The following SEMA5A variants were observed in gnomAD, a reference collection of about 807,000 sequenced individuals.
The protein encoded by SEMA5A is semaphorin-5A.
Under a neutral mutation model 135.5 loss-of-function variants are expected in SEMA5A, and 55 were observed. That is an observed-to-expected ratio of 0.41 (90% CI 0.33 to 0.51). SEMA5A has a LOEUF of 0.51. SEMA5A is among the 20% of genes least tolerant of loss of function. The pLI is 0.37. For missense variants in SEMA5A, 1,290 were observed against 1,419.9 expected, an observed-to-expected ratio of 0.91 and a Z score of 1.47; for synonymous variants, 580 against 546.5, an observed-to-expected ratio of 1.06 and a Z score of -0.85.
In SEMA5A at chr5:9,496,681, T is replaced by A. The variant is rs531054037; in HGVS notation, c.-175+48903A>T. On this transcript the variant is annotated intron_variant, in intron 1 of 22. Coordinates refer to ENST00000382496, the MANE Select transcript of SEMA5A (RefSeq NM_003966.3). ...AGTTGTTGGAACTTAAGGTATAAAC[T>A]CTGTCTGCTCGGTCACCAGCCTGCC... 1.1e-4 allele frequency among the ~76,000 whole-genome samples: 16 copies of A among 152,294 alleles called. No homozygotes were observed. In the South Asian group the frequency reaches 3.3e-3, roughly 32 times the overall value.
chr5:9,387,309 A>G (rs368045614), intron 2 of SEMA5A, among the ~76,000 whole-genome samples: 6 of 151,974 alleles, frequency 3.9e-5, no homozygotes, highest in Admixed American at 3.3e-4. Context: ...TCTGTATTAA[A>G]CCAGCCATAA....
intron 1 of SEMA5A, among the ~76,000 whole-genome samples, chr5:9,457,210 C>T (rs978007386): frequency 4.6e-5 from 7 of 152,200 alleles, no homozygotes; most frequent in South Asian, 4.1e-4. Context: ...AAAGAGGAAA[C>T]GTGGTAAACC....
intron 11 of SEMA5A, among the ~76,000 whole-genome samples, chr5:9,157,067 A>G (rs1220263410): frequency 6.6e-6 from 1 of 152,252 alleles, no homozygotes; most frequent in Non-Finnish European, 1.5e-5. Context: ...GTGGGCTTGC[A>G]TGCTGGTCCA....
At chr5:9,104,192 C>T (rs529741459) in intron 16 of SEMA5A, among the ~76,000 whole-genome samples, 2 of 152,252 alleles carry the variant, frequency 1.3e-5, no homozygotes, top group African/African-American at 4.8e-5. Flanking sequence ...TAATCTTTCT[C>T]AGGCTGATTT....
At chr5:9,056,933 A>G (rs1451026688) in intron 18 of SEMA5A, among the ~76,000 whole-genome samples, 2 of 152,236 alleles carry the variant, frequency 1.3e-5, no homozygotes, top group African/African-American at 2.4e-5. Flanking sequence ...ACAATGAAAT[A>G]CTATTCAACC....
chr5:9,468,670 T>C (rs978734545), intron 1 of SEMA5A, among the ~76,000 whole-genome samples: 2 of 152,056 alleles, frequency 1.3e-5, no homozygotes, highest in Non-Finnish European at 2.9e-5. Flanking sequence ...AAAAATCTGA[T>C]TTAAATGGCT....
chr5:9,540,311 C>T (rs914529152), intron 1 of SEMA5A, among the ~76,000 whole-genome samples: 3 of 151,970 alleles, frequency 2.0e-5, no homozygotes, highest in Non-Finnish European at 2.9e-5. Flanking sequence ...GAGAGAAGGC[C>T]GGGCGCGGTG....
At chr5:9,203,682 A>G (rs951177687) in intron 8 of SEMA5A, among the ~76,000 whole-genome samples, 1 of 152,226 alleles carries the variant, frequency 6.6e-6, no homozygotes, top group Non-Finnish European at 1.5e-5. Flanking sequence ...TAAATGGTTT[A>G]TGTATGATAC....
chr5:9,091,562 A>G (rs921120285), intron 16 of SEMA5A, among the ~76,000 whole-genome samples: 1 of 152,230 alleles, frequency 6.6e-6, no homozygotes, highest in Non-Finnish European at 1.5e-5. Flanking sequence ...AAAATTCAGC[A>G]TAAATCACAA....
chr5:9,136,484 T>C lies in SEMA5A; in HGVS notation c.1599+20A>G, dbSNP rs747256797. ...TCCCATGGGCAGCATTTTCAGAGGA[T>C]GGAGAAGGTGGGCACTCACCGGACA... is the stretch of plus-strand genomic sequence containing the variant. On this transcript the variant is annotated intron_variant, in intron 13 of 22. Coordinates refer to ENST00000382496, the MANE Select transcript of SEMA5A (RefSeq NM_003966.3). 4 of 1,592,026 alleles carry C rather than the reference T, an allele frequency of 2.5e-6. No homozygotes were observed. Among genetic ancestry groups the C allele is most frequent in the South Asian group, 1.1e-5 (1 of 90,576 alleles).
chr5:9,112,428 G>A (rs750238365), intron 15 of SEMA5A, among the ~76,000 whole-genome samples: 1 of 152,114 alleles, frequency 6.6e-6, no homozygotes, highest in African/African-American at 2.4e-5. Flanking sequence ...ACCAATCAGG[G>A]CCTCTTCTGA....
chr5:9,076,512 AT>A (rs1312620138), intron 16 of SEMA5A, among the ~76,000 whole-genome samples: 1 of 152,210 alleles, frequency 6.6e-6, no homozygotes, highest in East Asian at 1.9e-4. Context: ...GGTAACTATA[AT>A]TAAGCAGAAA....
At chr5:9,122,993 C>T (rs922027166) in intron 13 of SEMA5A, among the ~76,000 whole-genome samples, 156 bp from the exon 14 acceptor site, 1 of 151,970 alleles carries the variant, frequency 6.6e-6, no homozygotes, top group Non-Finnish European at 1.5e-5. Context: ...CGGTGGTTCA[C>T]GCCTGCATCC....
intron 2 of SEMA5A, among the ~76,000 whole-genome samples, chr5:9,380,881 A>T (rs1159229250): frequency 6.6e-6 from 1 of 151,566 alleles, no homozygotes; most frequent in African/African-American, 2.4e-5. Flanking sequence ...TCTGAGTGTA[A>T]TGCTGGAGGA....
chr5:9,487,991 G>A (rs1734815108), intron 1 of SEMA5A, among the ~76,000 whole-genome samples: 2 of 152,088 alleles, frequency 1.3e-5, no homozygotes, highest in Admixed American at 6.5e-5. Flanking sequence ...ACTTCAACAT[G>A]CAAAATTTTT....
At chr5:9,442,499 C>T (rs1302388806) in intron 1 of SEMA5A, among the ~76,000 whole-genome samples, 1 of 152,108 alleles carries the variant, frequency 6.6e-6, no homozygotes, top group African/African-American at 2.4e-5. Context: ...TGACTGAGAT[C>T]AACCATAATC....
chr5:9,213,009 G>T (rs1746421836), intron 8 of SEMA5A, among the ~76,000 whole-genome samples: 1 of 152,148 alleles, frequency 6.6e-6, no homozygotes, highest in Non-Finnish European at 1.5e-5. Flanking sequence ...GTGGTGTCTG[G>T]CAAGGGTTTG....
At chr5:9,159,609 T>A (rs1303603497) in intron 11 of SEMA5A, among the ~76,000 whole-genome samples, 1 of 152,138 alleles carries the variant, frequency 6.6e-6, no homozygotes, top group African/African-American at 2.4e-5. Context: ...CTGGTGAAAA[T>A]GTAAACAGTT....
chr5:9,358,603 C>T (rs1358051052), intron 3 of SEMA5A, among the ~76,000 whole-genome samples: 3 of 152,246 alleles, frequency 2.0e-5, no homozygotes, highest in African/African-American at 7.2e-5. Flanking sequence ...GTGCCTAATG[C>T]AAAGGCTGCC....
Sources: gnomAD v4.1 joint callset for allele counts (sites outside exome capture counted in the v4.1 genomes callset) on GRCh38, gnomAD v4.1.1 for gene constraint, MANE v1.5 for transcripts, NCBI Gene and HGNC (gene_info 2026-07-23, HGNC 2026-07-21) for gene names.